The following CCDC51 variants were observed in gnomAD, a reference collection of about 807,000 sequenced individuals.
The protein encoded by CCDC51 is mitochondrial potassium channel.
In CCDC51, 25 loss-of-function variants were observed where a neutral mutation model predicts 24.8. That is an observed-to-expected ratio of 1.01 (90% CI 0.73 to 1.41). The LOEUF is 1.41. Among genes scored for constraint, CCDC51 ranks in the 40% most tolerant of loss-of-function variants. CCDC51 has a pLI of 0.00. For synonymous variants in CCDC51, 190 were observed against 204.3 expected (o/e 0.93, Z 0.60); for missense variants, 466 against 519.1 (o/e 0.90, Z 0.99).
chr3:48,441,037 A>G (rs2039550073), upstream of CCDC51: 1 of 218,492 alleles, frequency 4.6e-6, no homozygotes, highest in Non-Finnish European at 9.1e-6. Flanking sequence ...TTTGTTTGAG[A>G]CAGAGTCTCA....
Position 48,437,050 on chromosome 3 carries a change from A to T in CCDC51, c.-8-1914T>A, listed in dbSNP as rs558837972. ...TCTACTGCCATACTCTGCTCCAGCCACCGTGCTGGTCTGTGCCCTGCCACC... is the reference window on the plus strand; with the variant it reads ...TCTACTGCCATACTCTGCTCCAGCCTCCGTGCTGGTCTGTGCCCTGCCACC... On this transcript the variant is annotated intron_variant, in intron 1 of 3. Transcript: ENST00000395694. This position sits in a 1 kb window ranked among gnomAD's most constrained non-coding sequence, Gnocchi z 4.2. Among the ~76,000 whole-genome samples, 60 of 152,094 alleles carry T rather than the reference A, an allele frequency of 3.9e-4. 1 individual carries two copies. The highest frequency in any genetic ancestry group is 1.3e-3 in the African/African-American group (55 of 41,470).
upstream of CCDC51, among the ~76,000 whole-genome samples, chr3:48,443,512 C>A (rs142092955): frequency 6.7e-6 from 1 of 148,490 alleles, no homozygotes; most frequent in Non-Finnish European, 1.5e-5. Context: ...GCAGCCTGGG[C>A]GACAGAGCAA....
upstream of CCDC51, among the ~76,000 whole-genome samples, chr3:48,441,484 A>G (rs1311156987): frequency 9.7e-6 from 1 of 102,958 alleles, no homozygotes; most frequent in African/African-American, 3.5e-5. Flanking sequence ...CACCTGGCCA[A>G]CTTTTTTTTT....
At chr3:48,443,838 T>C (rs776601345), upstream of CCDC51, 8 of 1,561,548 alleles carry the variant, frequency 5.1e-6, no homozygotes, top group African/African-American at 2.8e-5. Flanking sequence ...TGACTATTTT[T>C]CTTTTGCAGC....
upstream of CCDC51, among the ~76,000 whole-genome samples, chr3:48,444,838 A>G (rs552403434): frequency 6.6e-6 from 1 of 152,272 alleles, no homozygotes; most frequent in African/African-American, 2.4e-5. Context: ...GGGAAGCCCC[A>G]GCCCACTTGC....
chr3:48,440,215 G>A, upstream of CCDC51: 3 of 1,520,130 alleles, frequency 2.0e-6, no homozygotes, highest in Non-Finnish European at 2.6e-6. Context: ...CAATCAGCGG[G>A]GCCGCCTCGC....
At chr3:48,446,103 C>CT in the CCDC51 span, among the ~76,000 whole-genome samples, 2 of 152,042 alleles carry the variant, frequency 1.3e-5, no homozygotes, top group Non-Finnish European at 2.9e-5. Flanking sequence ...CCTTGACCTC[C>CT]TGAGCCCTAT....
chr3:48,434,717 TA>T, intron 2 of CCDC51, 99 bp downstream of exon 2: 1 of 1,125,130 alleles, frequency 8.9e-7, no homozygotes, highest in Non-Finnish European at 1.3e-6. Flanking sequence ...GAAATGAGGC[TA>T]AACACAAGTC....
In CCDC51 at chr3:48,437,113, C is replaced by T. The variant is rs1013557389; in HGVS notation, c.-8-1977G>A. Among the ~76,000 whole-genome samples, 4 of 152,196 alleles carry T rather than the reference C, an allele frequency of 2.6e-5. No individual in the cohort carries two copies. The highest frequency in any genetic ancestry group is 4.4e-5 in the Non-Finnish European group (3 of 68,034). On this transcript the variant is annotated intron_variant, in intron 1 of 3. Coordinates refer to ENST00000395694, the MANE Select transcript of CCDC51 (RefSeq NM_001256964.2). The surrounding 1 kb of genome is among the most constrained non-coding windows in gnomAD (Gnocchi z 4.2). ...ATGACTCTTCCTCCACGAGTCTACTCGGCTCACCCCGACATCTTCATCTTT... is the reference window on the plus strand; with the variant it reads ...ATGACTCTTCCTCCACGAGTCTACTTGGCTCACCCCGACATCTTCATCTTT...
upstream of CCDC51, chr3:48,440,671 G>A: frequency 6.4e-7 from 1 of 1,573,846 alleles, no homozygotes; most frequent in Admixed American, 1.8e-5. Flanking sequence ...CAAACGCTAT[G>A]AGCACCTATT....
Position 48,440,085 on chromosome 3 carries a change from G to A in CCDC51, c.-106C>T, listed in dbSNP as rs2039515734. ...ATTCTACCCTGGCAGGACAACCCTA[G>A]CTCCTCGTACCTGGCGTGGCCCGAC... On this transcript the variant is annotated 5_prime_UTR_variant, in exon 1 of 4. Coordinates refer to ENST00000395694, the MANE Select transcript of CCDC51 (RefSeq NM_001256964.2). 1 of 770,670 alleles carries A rather than the reference G, an allele frequency of 1.3e-6. No individual in the cohort carries two copies. The highest frequency in any genetic ancestry group is 1.9e-5 in the South Asian group (1 of 51,900). 47.7% of individuals were successfully genotyped at this position (770,670 alleles called of 1,614,324 possible).
Position 48,433,105 on chromosome 3 carries a change from G to A in CCDC51, c.539C>T (p.Ser180Phe), listed in dbSNP as rs2039238318. 6.2e-7 allele frequency: 1 copy of A among 1,613,946 alleles called. No homozygotes were observed. Among genetic ancestry groups the A allele is most frequent in the Non-Finnish European group, 8.5e-7 (1 of 1,179,946 alleles). ...RAEDSEREKF[S>F]LFSAAVRESH... ...TTCCCGCACAGCTGCAGAGAAGAGG[G>A]AGAACTTCTCTCGCTCAGAGTCTTC... The change falls in exon 4 of 4, where the codon TCC becomes TTC. Residue 180 changes from serine (S) to phenylalanine (F), a missense_variant. Physicochemically the swap from Ser to Phe is radical, Grantham distance 155. Transcript: ENST00000395694. The surrounding 1 kb of genome is among the most constrained non-coding windows in gnomAD (Gnocchi z 4.4).
chr3:48,445,204 T>G (rs978726566), upstream of CCDC51: 1 of 151,950 alleles, frequency 6.6e-6, no homozygotes, highest in Non-Finnish European at 1.5e-5. Context: ...GAAGCACAAG[T>G]ATTTGGATTT....
At chr3:48,441,515 A>G (rs1461581176), upstream of CCDC51, among the ~76,000 whole-genome samples, 1 of 146,592 alleles carries the variant, frequency 6.8e-6, no homozygotes, top group African/African-American at 2.5e-5. Context: ...TGCTTATATT[A>G]TCTCTAATAT....
chr3:48,440,392 G>A, upstream of CCDC51: 2 of 1,611,860 alleles, frequency 1.2e-6, no homozygotes, highest in South Asian at 2.2e-5. Flanking sequence ...ACGTGCTCGT[G>A]TCGCCCACAG....
intron 2 of CCDC51, 134 bp from the exon 3 acceptor site, chr3:48,434,005 G>T: frequency 6.9e-7 from 1 of 1,454,736 alleles, no homozygotes. Context: ...GAATTCCTTA[G>T]ACACTAATCC....
chr3:48,440,837 T>C (rs1297543264), upstream of CCDC51: 3 of 601,130 alleles, frequency 5.0e-6, no homozygotes, highest in Non-Finnish European at 8.9e-6. Context: ...TCCCAGGCAG[T>C]CTGGGCTTCC....
chr3:48,435,113 G>A lies in CCDC51; in HGVS notation c.16C>T (p.Pro6Ser). 3 of 1,585,014 alleles carry A rather than the reference G, an allele frequency of 1.9e-6. No homozygotes were observed. The highest frequency in any genetic ancestry group is 2.6e-6 in the Non-Finnish European group (3 of 1,165,506). The change falls in exon 2 of 4, where the codon CCT becomes TCT. Residue 6 changes from proline (P) to serine (S), a missense_variant. Physicochemically the swap from Pro to Ser is moderately conservative, Grantham distance 74. Coordinates refer to ENST00000395694, the MANE Select transcript of CCDC51 (RefSeq NM_001256964.2). The surrounding 1 kb of genome is among the most constrained non-coding windows in gnomAD (Gnocchi z 4.2). ...ACGATGTGCTGCATGGCAAACCCAG[G>A]GCTGCGCCCCATCATCCTGAGATCT... MMGRS[P>S]GFAMQHIVGV...
chr3:48,432,521 C>T lies in CCDC51; in HGVS notation c.1123G>A (p.Glu375Lys), dbSNP rs776584834. 7 of 1,614,078 alleles carry T rather than the reference C, an allele frequency of 4.3e-6. No individual in the cohort carries two copies. In the East Asian group the frequency reaches 1.6e-4, roughly 36 times the overall value. The change falls in exon 4 of 4, where the codon GAG becomes AAG. Residue 375 changes from glutamate to lysine, a missense_variant. By Grantham distance (56) the Glu-to-Lys change is moderately conservative. Transcript: ENST00000395694. The part of the protein sequence containing the change: ...GSMILALSDT[E>K]QRLEAQVNRN... ...TTGACTTGGGCTTCTAGTCTCTGCT[C>T]CGTGTCTGACAGTGCCAAGATCATG...
Sources: allele counts gnomAD v4.1 joint callset (sites outside exome capture counted in the v4.1 genomes callset), GRCh38; gene constraint gnomAD v4.1.1; non-coding constraint Gnocchi (gnomAD v3.1); transcripts MANE v1.5; gene names NCBI Gene and HGNC (gene_info 2026-07-23, HGNC 2026-07-21).